Variants in DNAH2 observed in about 807,000 individuals in gnomAD.
The protein encoded by DNAH2 is dynein axonemal heavy chain 2.
In DNAH2, 323 loss-of-function variants were observed where a neutral mutation model predicts 523.5. The observed-to-expected ratio is 0.62, with a 90% CI of 0.56 to 0.68. The LOEUF (loss-of-function observed/expected upper bound fraction) is 0.68. DNAH2 is among the 30% of genes least tolerant of loss of function. The pLI is 0.00. For synonymous variants in DNAH2, 2,093 were observed against 2,177.4 expected (o/e 0.96, Z 1.08); for missense variants, 4,907 against 5,701.5 (o/e 0.86, Z 4.49).
intron 5 of DNAH2, 26 bp downstream of exon 5, chr17:7,733,341 G>A: frequency 1.2e-6 from 2 of 1,610,856 alleles, no homozygotes; most frequent in Non-Finnish European, 1.7e-6. Context: ...GGAGTGACTA[G>A]TTTCTCCTTA....
At position 7,778,265 on chromosome 17, in the gene DNAH2, G is replaced by A. The variant is rs758313320; in HGVS notation, c.5352-15G>A. ...CTTCCAGGAGTCTGACTCTAGTTCT[G>A]TCCTCAATTCTCAGGTGTTACATGA... is the stretch of plus-strand genomic sequence containing the variant. On this transcript the variant is annotated splice_polypyrimidine_tract_variant and intron_variant, in intron 34 of 85. Transcript: ENST00000572933. 6.2e-7 allele frequency: 1 copy of A among 1,614,090 alleles called. No individual in the cohort carries two copies. Among genetic ancestry groups the A allele is most frequent in the South Asian group, 1.1e-5 (1 of 91,072 alleles).
intron 48 of DNAH2, among the ~76,000 whole-genome samples, chr17:7,793,452 TTTC>T (rs2076960387): frequency 2.0e-5 from 2 of 99,696 alleles, no homozygotes; most frequent in African/African-American, 7.8e-5. Context: ...TTTCTTTTTC[TTTC>T]TTTCTTTCTT....
At position 7,832,978 on chromosome 17, in the gene DNAH2, T is replaced by G. The variant is rs1014198676; in HGVS notation, c.12978+50T>G. 1 of 1,613,786 alleles carries G rather than the reference T, an allele frequency of 6.2e-7. No individual in the cohort carries two copies. Among genetic ancestry groups the G allele is most frequent in the African/African-American group, 1.3e-5 (1 of 74,958 alleles). ...TCTGAGCAAAAGAGGGTACTGGAAA[T>G]AATTGGACGAAAAGGGAGGAGAGAG... On this transcript the variant is annotated intron_variant, in intron 84 of 85. Coordinates refer to ENST00000572933, the MANE Select transcript of DNAH2 (RefSeq NM_020877.5). This position sits in a 1 kb window ranked among gnomAD's most constrained non-coding sequence, Gnocchi z 4.3.
chr17:7,814,199 A>C (rs910086289), intron 63 of DNAH2, among the ~76,000 whole-genome samples: 5 of 151,710 alleles, frequency 3.3e-5, no homozygotes, highest in Admixed American at 2.0e-4. Flanking sequence ...AAAAAAAAAA[A>C]AAAAACAGAT....
intron 8 of DNAH2, chr17:7,738,983 C>T (rs1229343469): frequency 1.4e-6 from 1 of 702,840 alleles, no homozygotes; most frequent in Admixed American, 2.0e-5. Context: ...CAGGTTGATG[C>T]CTTTGTGCAG....
chr17:7,804,905 C>T (rs2077325895), intron 59 of DNAH2, 53 bp from the exon 60 acceptor site: 2 of 1,488,038 alleles, frequency 1.3e-6, no homozygotes, highest in African/African-American at 2.8e-5. Flanking sequence ...ACCGTCACTC[C>T]CACCTTTGCC....
intron 7 of DNAH2, among the ~76,000 whole-genome samples, chr17:7,736,439 C>T (rs1360456952): frequency 1.3e-5 from 2 of 152,204 alleles, no homozygotes; most frequent in Non-Finnish European, 2.9e-5. Flanking sequence ...CCGACAGCAA[C>T]AGAGTATCCA....
At position 7,818,720 on chromosome 17, in the gene DNAH2, C is replaced by T. The variant is rs2077758978; in HGVS notation, c.10614C>T (p.Val3538=). ...TGGAGGAGCAGAAGGACTCACTGGTCATCAACATCGCGGCTGGTAAAAGGA... is the reference window on the plus strand; with the variant it reads ...TGGAGGAGCAGAAGGACTCACTGGTTATCAACATCGCGGCTGGTAAAAGGA... ...PELEEQKDSL[V]INIAAGKRKL... Residue 3538 remains valine (V), a synonymous_variant, in exon 70 of 86, where the codon GTC becomes GTT. Transcript: ENST00000572933. 1 of 1,614,064 alleles carries T rather than the reference C, an allele frequency of 6.2e-7. No homozygotes were observed. The highest frequency in any genetic ancestry group is 8.5e-7 in the Non-Finnish European group (1 of 1,180,008).
intron 77 of DNAH2, among the ~76,000 whole-genome samples, chr17:7,825,431 G>C (rs150429521): frequency 2.0e-4 from 30 of 152,318 alleles, no homozygotes; most frequent in African/African-American, 7.0e-4. Flanking sequence ...TCACGCATGG[G>C]TGCCTTTCAT....
At chr17:7,756,128 T>C (rs1472241756) in intron 12 of DNAH2, among the ~76,000 whole-genome samples, 2 of 151,618 alleles carry the variant, frequency 1.3e-5, no homozygotes, top group East Asian at 4.0e-4. Flanking sequence ...TAATCCCAGC[T>C]ACTCGGGAGG....
intron 4 of DNAH2, among the ~76,000 whole-genome samples, chr17:7,732,616 A>G (rs1338119432): frequency 6.6e-6 from 1 of 152,150 alleles, no homozygotes; most frequent in Non-Finnish European, 1.5e-5. Flanking sequence ...CGTAAACCAC[A>G]AAAGCCATAA....
intron 64 of DNAH2, 96 bp from the exon 65 acceptor site, chr17:7,817,194 C>T: frequency 6.7e-7 from 1 of 1,483,310 alleles, no homozygotes; most frequent in Non-Finnish European, 8.9e-7. Context: ...CTCTTTGAAC[C>T]TGACAGTGTC....
intron 12 of DNAH2, chr17:7,743,509 T>A (rs904355374): frequency 1.8e-5 from 11 of 624,474 alleles, no homozygotes; most frequent in Non-Finnish European, 3.1e-5. Flanking sequence ...CTGCAAAAAA[T>A]ACAAAGATTA....
chr17:7,745,812 A>G (rs1390756931), intron 12 of DNAH2, among the ~76,000 whole-genome samples: 2 of 150,222 alleles, frequency 1.3e-5, no homozygotes, highest in South Asian at 4.2e-4. Context: ...AAAAAAAAAG[A>G]AAAGAAAAAA....
At chr17:7,775,078 G>A in intron 29 of DNAH2, 102 bp downstream of exon 29, 1 of 1,296,596 alleles carries the variant, frequency 7.7e-7, no homozygotes, top group South Asian at 1.3e-5. Context: ...GGAGGGCCAT[G>A]TTAATTAATG....
Position 7,831,401 on chromosome 17 carries a change from G to T in DNAH2, c.12471G>T (p.Leu4157Phe), listed in dbSNP as rs750719080. The T allele has an allele frequency of 6.2e-7, 1 of 1,614,012 alleles. No individual in the cohort carries two copies. The highest frequency in any genetic ancestry group is 1.3e-5 in the African/African-American group (1 of 74,890). ...GQTREEKVLE[L>F]AADVKQKIPE... ...TCCTGCCTGCTCAGGTCCTTGAGTT[G>T]GCCGCTGATGTGAAGCAGAAGATCC... Residue 4157 changes from leucine (L) to phenylalanine (F), a missense_variant, in exon 81 of 86, where the codon TTG becomes TTT. By Grantham distance (22) the Leu-to-Phe change is conservative. Coordinates refer to ENST00000572933, the MANE Select transcript of DNAH2 (RefSeq NM_020877.5). The surrounding 1 kb of genome is among the most constrained non-coding windows in gnomAD (Gnocchi z 4.2).
chr17:7,787,832 T>C lies in DNAH2; in HGVS notation c.6604-28T>C, dbSNP rs751851498. On this transcript the variant is annotated intron_variant, in intron 42 of 85. Transcript: ENST00000572933. The stretch of plus-strand genomic sequence containing the variant: ...TGAAGGTGGGGGATGCAGAGAAAGA[T>C]GAAGTTCTGACAAACGTATATCCTT... 13 of 1,577,604 alleles carry C rather than the reference T, an allele frequency of 8.2e-6. 1 individual carries two copies. The highest frequency in any genetic ancestry group is 8.7e-6 in the Non-Finnish European group (10 of 1,155,598).
rs141416724 is a variant in DNAH2 at position 7,719,151 on chromosome 17, A to G, written c.-15+352A>G. Among the ~76,000 whole-genome samples, 959 of 145,098 alleles carry G rather than the reference A, an allele frequency of 6.6e-3. 10 individuals are homozygous for G. Among genetic ancestry groups the G allele is most frequent in the African/African-American group, 0.024 (920 of 38,900 alleles). ...TCTTTTTTTTTTTTTTTTTTGAGAT[A>G]GAGTCTCACTCTGTCAGCCAGGCTG... On this transcript the variant is annotated intron_variant, in intron 1 of 85. Coordinates refer to ENST00000572933, the MANE Select transcript of DNAH2 (RefSeq NM_020877.5).
intron 3 of DNAH2, among the ~76,000 whole-genome samples, chr17:7,726,361 G>C (rs2074811163): frequency 6.6e-6 from 1 of 151,086 alleles, no homozygotes. Flanking sequence ...TGGAGTGCAG[G>C]GGTGTGATCT....
Sources: allele counts gnomAD v4.1 joint callset (sites outside exome capture counted in the v4.1 genomes callset), GRCh38; gene constraint gnomAD v4.1.1; non-coding constraint Gnocchi (gnomAD v3.1); transcripts MANE v1.5; gene names NCBI Gene and HGNC (gene_info 2026-07-23, HGNC 2026-07-21).